The following CFAP20DC variants were observed in gnomAD, a reference collection of about 807,000 sequenced individuals.
CFAP20DC encodes protein CFAP20DC.
CFAP20DC carries 84 observed loss-of-function variants against 101.7 expected under a neutral mutation model. The observed-to-expected ratio is 0.83, with a 90% CI of 0.69 to 0.99. CFAP20DC has a LOEUF of 0.99. CFAP20DC is among the 50% of genes least tolerant of loss of function. The probability of loss-of-function intolerance (pLI) is 0.00; values close to 1 mark genes in which losing one functional copy is unlikely to be tolerated. For missense variants in CFAP20DC, 1,007 were observed against 970.3 expected (o/e 1.04, Z -0.50); for synonymous variants, 359 against 351.2 (o/e 1.02, Z -0.25).
At chr3:58,951,455 C>T (rs1016682127) in intron 4 of CFAP20DC, among the ~76,000 whole-genome samples, 1 of 152,136 alleles carries the variant, frequency 6.6e-6, no homozygotes, top group East Asian at 1.9e-4. Context: ...GACACATGCA[C>T]ACGTATGTTT....
At chr3:58,915,224 T>C (rs2084557923) in intron 5 of CFAP20DC, among the ~76,000 whole-genome samples, 1 of 152,014 alleles carries the variant, frequency 6.6e-6, no homozygotes. Context: ...CTGTCAGTCA[T>C]CTAAACACGA....
At chr3:58,845,384 A>C (rs555153442) in intron 13 of CFAP20DC, among the ~76,000 whole-genome samples, 17 of 152,084 alleles carry the variant, frequency 1.1e-4, no homozygotes, top group African/African-American at 1.4e-4. Context: ...ACTACAAACA[A>C]CTCTACGCAA....
At chr3:58,901,722 C>A (rs888879399) in intron 6 of CFAP20DC, among the ~76,000 whole-genome samples, 1 of 152,116 alleles carries the variant, frequency 6.6e-6, no homozygotes, top group Non-Finnish European at 1.5e-5. Context: ...CTGAATGAAT[C>A]ATGCCTTTAG....
chr3:58,983,302 G>A (rs918473491), intron 4 of CFAP20DC, among the ~76,000 whole-genome samples: 34 of 152,230 alleles, frequency 2.2e-4, no homozygotes, highest in African/African-American at 7.5e-4. Context: ...TGTTTGCAAC[G>A]CTCCTTTGCC....
At chr3:59,030,768 A>C (rs1348940180) in intron 4 of CFAP20DC, among the ~76,000 whole-genome samples, 2 of 152,218 alleles carry the variant, frequency 1.3e-5, no homozygotes, top group African/African-American at 4.8e-5. Flanking sequence ...AGTTAAACCT[A>C]AGATATTCAT....
chr3:58,869,444 G>A lies in CFAP20DC; in HGVS notation c.899C>T (p.Ser300Phe). 6.2e-7 allele frequency: 1 copy of A among 1,613,406 alleles called. No homozygotes were observed. Among genetic ancestry groups the A allele is most frequent in the Non-Finnish European group, 8.5e-7 (1 of 1,179,662 alleles). ...ACCATTAACACACTTCTCTACAGTG[G>A]ACGGCTGGCATGATCGGTTATTTTT... ...GSKNNRSCQP[S>F]TVEKCVNGTE... Residue 300 changes from serine to phenylalanine, a missense_variant, in exon 9 of 17, where the codon TCC becomes TTC. Coordinates refer to ENST00000482387, the MANE Select transcript of CFAP20DC (RefSeq NM_001394063.1). The surrounding 1 kb of genome is among the most constrained non-coding windows in gnomAD (Gnocchi z 4.3).
At chr3:58,999,643 A>C (rs2108733639) in intron 4 of CFAP20DC, among the ~76,000 whole-genome samples, 1 of 152,232 alleles carries the variant, frequency 6.6e-6, no homozygotes, top group African/African-American at 2.4e-5. Context: ...TGACTCAAAA[A>C]GGGTCTTAAT....
At chr3:59,009,335 A>C (rs534480926) in intron 4 of CFAP20DC, among the ~76,000 whole-genome samples, 1 of 152,270 alleles carries the variant, frequency 6.6e-6, no homozygotes, top group Non-Finnish European at 1.5e-5. Context: ...GAAATCTCTG[A>C]ATTGCCAGAT....
chr3:59,031,100 G>C (rs901283407), intron 4 of CFAP20DC, among the ~76,000 whole-genome samples: 9 of 152,208 alleles, frequency 5.9e-5, no homozygotes, highest in Non-Finnish European at 1.2e-4. Context: ...GGGATTACAG[G>C]CTTGAGCCGC....
chr3:58,860,979 T>G (rs2079198556), intron 12 of CFAP20DC, among the ~76,000 whole-genome samples: 1 of 152,146 alleles, frequency 6.6e-6, no homozygotes, highest in South Asian at 2.1e-4. Flanking sequence ...AAATATATGA[T>G]AAAGCAAAGA....
At chr3:58,823,585 A>G (rs904830358) in intron 14 of CFAP20DC, among the ~76,000 whole-genome samples, 5 of 152,136 alleles carry the variant, frequency 3.3e-5, no homozygotes, top group Admixed American at 1.3e-4. Context: ...GACACTGGGT[A>G]TTAACCCAGG....
At chr3:58,846,655 A>G (rs2077671105) in intron 13 of CFAP20DC, among the ~76,000 whole-genome samples, 1 of 151,646 alleles carries the variant, frequency 6.6e-6, no homozygotes, top group Non-Finnish European at 1.5e-5. Context: ...ACAGAATTGG[A>G]AAAAACCACT....
rs1285001502 is a variant in CFAP20DC, at chr3:58,724,094, C to T, written c.198-6466G>A. Among the ~76,000 whole-genome samples the T allele has an allele frequency of 6.6e-6, 1 of 152,122 alleles. No individual in the cohort carries two copies. The highest frequency in any genetic ancestry group is 1.5e-5 in the Non-Finnish European group (1 of 68,042). ...TTAATCCCTTTGAAAGGAGGGTGCT[C>T]CATGCTGTGGAGGGGCCTGGGGAAT... On this transcript the variant is annotated intron_variant, in intron 3 of 3. Transcript: ENST00000486145. The surrounding 1 kb of genome is among the most constrained non-coding windows in gnomAD (Gnocchi z 5.6).
chr3:58,812,234 T>C (rs2074707192), intron 14 of CFAP20DC, among the ~76,000 whole-genome samples: 1 of 152,134 alleles, frequency 6.6e-6, no homozygotes, highest in African/African-American at 2.4e-5. Context: ...TAAATCATGC[T>C]GCTATAAAGA....
chr3:59,028,883 A>G (rs370900193), intron 4 of CFAP20DC, among the ~76,000 whole-genome samples: 3 of 152,170 alleles, frequency 2.0e-5, no homozygotes, highest in East Asian at 1.9e-4. Context: ...CTGTGAGGTA[A>G]GTATTATTAC....
chr3:58,770,519 A>G (rs1196040775), intron 15 of CFAP20DC, among the ~76,000 whole-genome samples: 2 of 152,188 alleles, frequency 1.3e-5, no homozygotes, highest in Non-Finnish European at 2.9e-5. Context: ...CTTTCTAGCA[A>G]AAGTCATGAA....
chr3:58,991,749 G>C (rs968490303), intron 4 of CFAP20DC, among the ~76,000 whole-genome samples: 5 of 152,142 alleles, frequency 3.3e-5, no homozygotes, highest in African/African-American at 9.7e-5. Flanking sequence ...CTGTTGATCT[G>C]ACAGGAGGCG....
At chr3:58,889,662 C>G (rs1364263248) in intron 6 of CFAP20DC, among the ~76,000 whole-genome samples, 11 of 140,702 alleles carry the variant, frequency 7.8e-5, no homozygotes, top group African/African-American at 2.9e-4. Context: ...AACAAGTGAA[C>G]AAAGGTCTCT....
chr3:58,726,627 A>G (rs1161788659), intron 3 of CFAP20DC: 1 of 189,542 alleles, frequency 5.3e-6, no homozygotes, highest in African/African-American at 2.4e-5. Context: ...ATCAGAAGAG[A>G]TGAGAATGAC....
Sources: allele counts gnomAD v4.1 joint callset (sites outside exome capture counted in the v4.1 genomes callset), GRCh38; gene constraint gnomAD v4.1.1; non-coding constraint Gnocchi (gnomAD v3.1); transcripts MANE v1.5; gene names NCBI Gene and HGNC (gene_info 2026-07-23, HGNC 2026-07-21).